Variants in CAMSAP3 observed in about 807,000 individuals in gnomAD.
The protein encoded by CAMSAP3 is calmodulin-regulated spectrin-associated protein 3.
Under a neutral mutation model 112.5 loss-of-function variants are expected in CAMSAP3, and 34 were observed. The ratio of observed to expected loss-of-function variants is 0.30; its 90% CI spans 0.23 to 0.40. CAMSAP3 has a LOEUF of 0.40. CAMSAP3 is among the 10% of genes least tolerant of loss of function. The probability of loss-of-function intolerance (pLI) is 1.00; values close to 1 mark genes in which losing one functional copy is unlikely to be tolerated. For missense variants in CAMSAP3, 1,602 were observed against 1,770.3 expected (o/e 0.90, Z 1.71); for synonymous variants, 868 against 799.8 (o/e 1.09, Z -1.44).
rs1176834544 is a variant in CAMSAP3, at chr19:7,615,061, A to C, written c.2671-122A>C. 6 of 1,222,688 alleles carry C rather than the reference A, an allele frequency of 4.9e-6. No individual in the cohort carries two copies. The highest frequency in any genetic ancestry group is 4.7e-6 in the Non-Finnish European group (4 of 855,150). 75.7% of individuals were successfully genotyped at this position (1,222,688 alleles called of 1,614,324 possible). ...CATACAGTAGGCACCAACTAAGTGC[A>C]TTTAGAACAATGATGAAAACAAAAG... On this transcript the variant is annotated intron_variant, in intron 11 of 16. Coordinates refer to ENST00000160298, the MANE Select transcript of CAMSAP3 (RefSeq NM_020902.2). The surrounding 1 kb of genome is among the most constrained non-coding windows in gnomAD (Gnocchi z 6.5).
In CAMSAP3 at chr19:7,611,862, C is replaced by T; in HGVS notation, c.1369C>T (p.Pro457Ser). 1 of 1,566,306 alleles carries T rather than the reference C, an allele frequency of 6.4e-7. No individual in the cohort carries two copies. The highest frequency in any genetic ancestry group is 8.7e-7 in the Non-Finnish European group (1 of 1,155,628). Residue 457 changes from proline (P) to serine (S), a missense_variant, in exon 11 of 17, where the codon CCC becomes TCC. By Grantham distance (74) the Pro-to-Ser change is moderately conservative. Around this residue, in one of 6 missense-constraint regions of CAMSAP3, gnomAD observed 1,100 missense variants for 1,135.7 expected, o/e 0.97. Transcript: ENST00000160298. The surrounding 1 kb of genome is among the most constrained non-coding windows in gnomAD (Gnocchi z 6.9). ...TQPPPEPGDL[P>S]TIEEALQIIH... ...GCCACCCCCGGAGCCTGGTGACCTG[C>T]CCACCATCGAGGAAGCTCTGCAGAT...
rs766405809 is a variant in CAMSAP3, at chr19:7,618,222, C to T, written c.*165C>T. On this transcript the variant is annotated 3_prime_UTR_variant, in exon 17 of 17. Transcript: ENST00000160298. The stretch of plus-strand genomic sequence containing the variant: ...GTCCAGTCCTGCTGTGGGGGCTGAG[C>T]TGGGAGGTTCAGGGACTCAGGGCTC... 1.4e-6 allele frequency: 1 copy of T among 731,312 alleles called. No individual in the cohort carries two copies. Among genetic ancestry groups the T allele is most frequent in the Admixed American group, 2.9e-5 (1 of 34,336 alleles). 45.3% of individuals were successfully genotyped at this position (731,312 alleles called of 1,614,324 possible). A position where few individuals can be genotyped will look rare whatever the true frequency, so the allele number is the denominator to read the frequency against.
intron 11 of CAMSAP3, among the ~76,000 whole-genome samples, chr19:7,614,154 G>C (rs1173537718): frequency 2.0e-5 from 3 of 149,746 alleles, no homozygotes; most frequent in Non-Finnish European, 3.0e-5. Context: ...CAGCTACTCA[G>C]GAGGCTGAGG....
rs748993708 is a variant in CAMSAP3, at chr19:7,610,684, G to A, written c.901-16G>A. 8.7e-6 allele frequency: 14 copies of A among 1,613,794 alleles called. No homozygotes were observed. The highest frequency in any genetic ancestry group is 4.5e-5 in the East Asian group (2 of 44,896). On this transcript the variant is annotated splice_polypyrimidine_tract_variant and intron_variant, in intron 6 of 16. Transcript: ENST00000160298. The surrounding 1 kb of genome is among the most constrained non-coding windows in gnomAD (Gnocchi z 4.9). ...GGCCAGGGGTCCCGTCTGCTGACCCGGCCTCCCACCTCCAGGTCAACTTGG... is the reference window on the plus strand; with the variant it reads ...GGCCAGGGGTCCCGTCTGCTGACCCAGCCTCCCACCTCCAGGTCAACTTGG...
chr19:7,597,280 T>C (rs7256374), intron 1 of CAMSAP3, among the ~76,000 whole-genome samples: 27,673 of 152,010 alleles, frequency 0.18, 2,830 homozygotes, highest in Admixed American at 0.26. Flanking sequence ...TCTGTCTGCG[T>C]CGTTCCATGC....
chr19:7,600,840 A>T (rs2029929451), intron 1 of CAMSAP3, among the ~76,000 whole-genome samples: 1 of 123,340 alleles, frequency 8.1e-6, no homozygotes, highest in African/African-American at 3.2e-5. Flanking sequence ...CCATCCACCT[A>T]CCCATTCATC....
Position 7,617,206 on chromosome 19 carries a change from G to A in CAMSAP3, c.3213-120G>A, listed in dbSNP as rs528453081. 1.1e-5 allele frequency: 8 copies of A among 745,396 alleles called. No individual in the cohort carries two copies. The highest frequency in any genetic ancestry group is 2.5e-5 in the East Asian group (1 of 39,642). 46.2% of individuals were successfully genotyped at this position (745,396 alleles called of 1,614,324 possible). A position where few individuals can be genotyped will look rare whatever the true frequency, so the allele number is the denominator to read the frequency against. Reference sequence around the variant, plus strand: ...TGCTGGGATTACAGGCATGAGCCACGATGCCCAGCCGTGGCCCTTATTTTC... The same window carrying A: ...TGCTGGGATTACAGGCATGAGCCACAATGCCCAGCCGTGGCCCTTATTTTC... On this transcript the variant is annotated intron_variant, in intron 14 of 16. Coordinates refer to ENST00000160298, the MANE Select transcript of CAMSAP3 (RefSeq NM_020902.2). The surrounding 1 kb of genome is among the most constrained non-coding windows in gnomAD (Gnocchi z 7.5).
rs1032968739 is a variant in CAMSAP3 at position 7,610,004 on chromosome 19, G to A, written c.761-472G>A. On this transcript the variant is annotated intron_variant, in intron 5 of 16. Transcript: ENST00000160298. This position sits in a 1 kb window ranked among gnomAD's most constrained non-coding sequence, Gnocchi z 4.9. ...CACGCCCCGGGGGTTAAGGACCCCCGGCCTAAGGACGGTCTATCATATAAT... is the reference window on the plus strand; with the variant it reads ...CACGCCCCGGGGGTTAAGGACCCCCAGCCTAAGGACGGTCTATCATATAAT... Among the ~76,000 whole-genome samples, 5 of 152,058 alleles carry A rather than the reference G, an allele frequency of 3.3e-5. No individual in the cohort carries two copies. Among genetic ancestry groups the A allele is most frequent in the Non-Finnish European group, 7.4e-5 (5 of 68,016 alleles).
rs1000223446 is a variant in CAMSAP3 at position 7,610,188 on chromosome 19, C to T, written c.761-288C>T. ...AAAAAATTAGCCTGGTGTTGTGGCACACTCCTGTAATCCCAGCTACTCAGG... is the reference window on the plus strand; with the variant it reads ...AAAAAATTAGCCTGGTGTTGTGGCATACTCCTGTAATCCCAGCTACTCAGG... On this transcript the variant is annotated intron_variant, in intron 5 of 16. Coordinates refer to ENST00000160298, the MANE Select transcript of CAMSAP3 (RefSeq NM_020902.2). This position sits in a 1 kb window ranked among gnomAD's most constrained non-coding sequence, Gnocchi z 4.9. Among the ~76,000 whole-genome samples, 4 of 151,952 alleles carry T rather than the reference C, an allele frequency of 2.6e-5. No individual in the cohort carries two copies. Among genetic ancestry groups the T allele is most frequent in the African/African-American group, 9.7e-5 (4 of 41,348 alleles).
rs757006905 is a variant in CAMSAP3, at chr19:7,612,004, G to T, written c.1511G>T (p.Gly504Val). Residue 504 changes from glycine (G) to valine (V), a missense_variant, in exon 11 of 17, where the codon GGG (glycine) becomes GTG (valine). Around this residue, in one of 6 missense-constraint regions of CAMSAP3, gnomAD observed 1,100 missense variants for 1,135.7 expected, o/e 0.97. Coordinates refer to ENST00000160298, the MANE Select transcript of CAMSAP3 (RefSeq NM_020902.2). ...PSLASPYLPE[G>V]TSKPLSDRPT... ...CTGGCCTCCCCCTACCTGCCCGAGG[G>T]GACCTCCAAACCACTGTCCGACAGG... The T allele has an allele frequency of 6.2e-7, 1 of 1,612,766 alleles. No individual in the cohort carries two copies. The highest frequency in any genetic ancestry group is 1.1e-5 in the South Asian group (1 of 91,032).
Position 7,615,399 on chromosome 19 carries a change from G to C in CAMSAP3, c.2811-19G>C. The C allele has an allele frequency of 6.5e-7, 1 of 1,538,722 alleles. No homozygotes were observed. Among genetic ancestry groups the C allele is most frequent in the South Asian group, 1.2e-5 (1 of 83,416 alleles). The stretch of plus-strand genomic sequence containing the variant: ...GGACCCCGTGAGCGGTTCTGATGCC[G>C]ATTCCCTGTGATCTGCAGGCTGGCC... On this transcript the variant is annotated intron_variant, in intron 12 of 16. Coordinates refer to ENST00000160298, the MANE Select transcript of CAMSAP3 (RefSeq NM_020902.2). This position sits in a 1 kb window ranked among gnomAD's most constrained non-coding sequence, Gnocchi z 6.5.
Position 7,615,574 on chromosome 19 carries a change from G to A in CAMSAP3, c.2967G>A (p.Lys989=). ...RQEYERRAQL[K]LMDDLDKVLR... ...AGTACGAGCGCCGGGCCCAGCTGAAGCTGATGGACGACCTCGATAAGGTGC... is the reference window on the plus strand; with the variant it reads ...AGTACGAGCGCCGGGCCCAGCTGAAACTGATGGACGACCTCGATAAGGTGC... Residue 989 remains lysine, a synonymous_variant, in exon 13 of 17, where the codon AAG becomes AAA. Transcript: ENST00000160298. This position sits in a 1 kb window ranked among gnomAD's most constrained non-coding sequence, Gnocchi z 6.5. 1 of 1,509,780 alleles carries A rather than the reference G, an allele frequency of 6.6e-7. No individual in the cohort carries two copies. The highest frequency in any genetic ancestry group is 8.9e-7 in the Non-Finnish European group (1 of 1,129,402). The allele number at this position is 1,509,780 out of a possible 1,614,324, so 93.5% of individuals were successfully genotyped here.
chr19:7,611,158 A>C lies in CAMSAP3; in HGVS notation c.1113A>C (p.Arg371=). 6.2e-7 allele frequency: 1 copy of C among 1,613,428 alleles called. No homozygotes were observed. Among genetic ancestry groups the C allele is most frequent in the Non-Finnish European group, 8.5e-7 (1 of 1,179,890 alleles). ...CTGGTGGCCCCCAGTCCCCACTCCG[A>C]GGATCCACAGGTGAGGAGGGGGTAG... ...LSSGGPQSPL[R]GSTGSLKSSP... is the part of the protein sequence containing the mutation. Residue 371 remains arginine (R), a synonymous_variant, in exon 9 of 17, where the codon CGA becomes CGC. Coordinates refer to ENST00000160298, the MANE Select transcript of CAMSAP3 (RefSeq NM_020902.2). This position sits in a 1 kb window ranked among gnomAD's most constrained non-coding sequence, Gnocchi z 6.9.
chr19:7,603,991 G>A (rs527950508), intron 1 of CAMSAP3, among the ~76,000 whole-genome samples: 42 of 152,150 alleles, frequency 2.8e-4, no homozygotes, highest in South Asian at 8.3e-4. Flanking sequence ...AAAATTAGCC[G>A]GGTATGGCAG....
chr19:7,608,375 C>A, intron 5 of CAMSAP3, 111 bp downstream of exon 5: 1 of 1,337,280 alleles, frequency 7.5e-7, no homozygotes, highest in South Asian at 1.4e-5. Context: ...ATGCAGTGGT[C>A]ATGAGGGCAG....
Position 7,597,542 on chromosome 19 carries a change from G to A in CAMSAP3, c.148+1392G>A, listed in dbSNP as rs532806718. On this transcript the variant is annotated intron_variant, in intron 1 of 16. Transcript: ENST00000160298. ...TCATTCACAGACTTATCTGTTTTGC[G>A]AATGTTTGTGGGGCAGGGGCACTTG... Among the ~76,000 whole-genome samples, 7 of 152,260 alleles carry A rather than the reference G, an allele frequency of 4.6e-5. No homozygotes were observed. The East Asian group carries it at 7.7e-4, about 17-fold the overall frequency.
chr19:7,609,916 G>A (rs1057440039), intron 5 of CAMSAP3, among the ~76,000 whole-genome samples: 2 of 152,064 alleles, frequency 1.3e-5, no homozygotes, highest in African/African-American at 4.8e-5. Flanking sequence ...TGCAAGTGAC[G>A]GGGAGCGGCT....
At chr19:7,603,494 C>T (rs1402481112) in intron 1 of CAMSAP3, among the ~76,000 whole-genome samples, 1 of 152,066 alleles carries the variant, frequency 6.6e-6, no homozygotes, top group Non-Finnish European at 1.5e-5. Context: ...GGATTACAGG[C>T]ATGAGTCACT....
rs1468697372 is a variant in CAMSAP3 at position 7,612,846 on chromosome 19, C to T, written c.2353C>T (p.Arg785Trp). Reference protein sequence around the residue: ...SQSPRSPKHTRPAELRLAPLT... With the variant: ...SQSPRSPKHTWPAELRLAPLT... The stretch of plus-strand genomic sequence containing the variant: ...GTCACCCCGCAGCCCGAAACACACG[C>T]GGCCAGCGGAGCTGCGGCTGGCACC... The change falls in exon 11 of 17, where the codon CGG becomes TGG. Residue 785 changes from arginine to tryptophan, a missense_variant. By Grantham distance (101) the Arg-to-Trp change is moderately radical. Coordinates refer to ENST00000160298, the MANE Select transcript of CAMSAP3 (RefSeq NM_020902.2). 6.3e-7 allele frequency: 1 copy of T among 1,589,660 alleles called. No homozygotes were observed. The highest frequency in any genetic ancestry group is 8.5e-7 in the Non-Finnish European group (1 of 1,170,130).
Sources: allele counts gnomAD v4.1 joint callset (sites outside exome capture counted in the v4.1 genomes callset), GRCh38; gene constraint gnomAD v4.1.1; regional missense constraint gnomAD v4.1.1; non-coding constraint Gnocchi (gnomAD v3.1); transcripts MANE v1.5; gene names NCBI Gene and HGNC (gene_info 2026-07-23, HGNC 2026-07-21).